RBM20: variants seen among roughly 807,000 people sequenced by gnomAD.
RBM20 encodes RNA-binding protein 20.
In RBM20, 51 loss-of-function variants were observed where a neutral mutation model predicts 110.1. The observed-to-expected ratio is 0.46, with a 90% CI of 0.37 to 0.59. RBM20 has a LOEUF of 0.59. Ranked by LOEUF, RBM20 falls within the 20% of genes least tolerant of loss-of-function variation. The probability of loss-of-function intolerance (pLI) is 0.00; values close to 1 mark genes in which losing one functional copy is unlikely to be tolerated. For synonymous variants in RBM20, 589 were observed against 618.2 expected, an observed-to-expected ratio of 0.95 and a Z score of 0.70; for missense variants, 1,512 against 1,574.9, an observed-to-expected ratio of 0.96 and a Z score of 0.68.
chr10:110,721,767 A>G (rs1217701915), intron 1 of RBM20, among the ~76,000 whole-genome samples: 1 of 152,150 alleles, frequency 6.6e-6, no homozygotes, highest in Non-Finnish European at 1.5e-5. Flanking sequence ...ACCAAGCTAT[A>G]AAATGAAGGC....
intron 1 of RBM20, among the ~76,000 whole-genome samples, chr10:110,778,005 A>T (rs1003328984): frequency 6.6e-6 from 1 of 152,232 alleles, no homozygotes; most frequent in Non-Finnish European, 1.5e-5. Context: ...AAAATCTATC[A>T]TCAGACTCTT....
chr10:110,793,178 A>G (rs776970614), intron 5 of RBM20, among the ~76,000 whole-genome samples: 1 of 152,150 alleles, frequency 6.6e-6, no homozygotes, highest in Non-Finnish European at 1.5e-5. Context: ...TCTGTCATGC[A>G]CCTAATCAGC....
At chr10:110,767,335 G>C (rs1344000597) in intron 1 of RBM20, among the ~76,000 whole-genome samples, 2 of 145,752 alleles carry the variant, frequency 1.4e-5, no homozygotes, top group African/African-American at 2.6e-5. Flanking sequence ...CTAGCCGGGT[G>C]GGGGGCTGAC....
At chr10:110,689,253 C>T (rs533612022) in intron 1 of RBM20, among the ~76,000 whole-genome samples, 9 of 152,334 alleles carry the variant, frequency 5.9e-5, no homozygotes, top group African/African-American at 2.2e-4. Flanking sequence ...CACGTGCTGA[C>T]TGGGGCCTCC....
intron 1 of RBM20, among the ~76,000 whole-genome samples, chr10:110,686,120 C>T (rs1187148180): frequency 2.0e-5 from 3 of 152,146 alleles, no homozygotes; most frequent in Non-Finnish European, 4.4e-5. Flanking sequence ...GAGCCCAGTC[C>T]ATTCCTGCTT....
At position 110,772,766 on chromosome 10, in the gene RBM20, T is replaced by C. The variant is rs373162221; in HGVS notation, c.192-8035T>C. ...AAAAGCACTCCCAGGAGTGGCCAGG[T>C]GCAGAAATAGCTGAATTTGTGAGCA... On this transcript the variant is annotated intron_variant, in intron 1 of 13. Transcript: ENST00000369519. Among the ~76,000 whole-genome samples, 612 of 152,346 alleles carry C rather than the reference T, an allele frequency of 4.0e-3. 5 individuals carry two copies. The highest frequency in any genetic ancestry group is 0.014 in the African/African-American group (582 of 41,566).
chr10:110,687,042 G>GAAAAAAAAAAA (rs566369908), intron 1 of RBM20, among the ~76,000 whole-genome samples: 1 of 115,006 alleles, frequency 8.7e-6, no homozygotes, highest in Admixed American at 8.6e-5. Flanking sequence ...GTCTCAAAAA[G>GAAAAAAAAAAA]AAAAAAAAAA....
rs1164484786 is a variant in RBM20 at position 110,812,229 on chromosome 10, G to A, written c.1881-49G>A. The stretch of plus-strand genomic sequence containing the variant: ...TGTGTGTCTGTGTGTGGGTGGGGTG[G>A]GATGGGAGGTGTGAAGATTCTAAAT... On this transcript the variant is annotated intron_variant, in intron 8 of 13. Coordinates refer to ENST00000369519, the MANE Select transcript of RBM20 (RefSeq NM_001134363.3). The A allele has an allele frequency of 2.1e-6, 3 of 1,456,102 alleles. No individual in the cohort carries two copies. The Admixed American group carries it at 6.3e-5, about 31-fold the overall frequency. 90.2% of individuals were successfully genotyped at this position (1,456,102 alleles called of 1,614,324 possible).
chr10:110,687,995 TTGTGTGTGTGTGTG>T (rs60479740), intron 1 of RBM20, among the ~76,000 whole-genome samples: 10,368 of 145,456 alleles, frequency 0.071, 432 homozygotes, highest in East Asian at 0.2. Context: ...CTAAATGGTT[TTGTGTGTGTGTGTG>T]TGTGTGTGTG....
At chr10:110,769,513 T>C (rs1488356869) in intron 1 of RBM20, among the ~76,000 whole-genome samples, 3 of 152,162 alleles carry the variant, frequency 2.0e-5, no homozygotes, top group Non-Finnish European at 4.4e-5. Flanking sequence ...CCTTGAGTGT[T>C]TTTATTACAG....
intron 1 of RBM20, among the ~76,000 whole-genome samples, chr10:110,690,832 T>A (rs1348128453): frequency 1.3e-5 from 2 of 150,490 alleles, no homozygotes; most frequent in Admixed American, 7.3e-5. Flanking sequence ...TTTTCACCTT[T>A]TGGCTATTGT....
intron 12 of RBM20, among the ~76,000 whole-genome samples, chr10:110,824,191 G>C (rs1844953802): frequency 6.6e-6 from 1 of 152,132 alleles, no homozygotes; most frequent in Non-Finnish European, 1.5e-5. Flanking sequence ...TGTTTTTCCT[G>C]TCAGGGAATG....
chr10:110,704,099 A>T (rs1399474184), intron 1 of RBM20, among the ~76,000 whole-genome samples: 2 of 152,198 alleles, frequency 1.3e-5, no homozygotes, highest in Non-Finnish European at 2.9e-5. Flanking sequence ...GCAACAAAGC[A>T]AGACTCTGTC....
chr10:110,710,252 C>A (rs1008012656), intron 1 of RBM20, among the ~76,000 whole-genome samples: 8 of 152,174 alleles, frequency 5.3e-5, no homozygotes, highest in Non-Finnish European at 7.3e-5. Flanking sequence ...GCGCAACAAG[C>A]TGGTGGTCAT....
chr10:110,687,898 T>C (rs1223196486), intron 1 of RBM20, among the ~76,000 whole-genome samples: 1 of 152,204 alleles, frequency 6.6e-6, no homozygotes, highest in Non-Finnish European at 1.5e-5. Flanking sequence ...GAATGTTTAC[T>C]CTTCTAACCA....
chr10:110,765,173 A>T (rs1442600728), intron 1 of RBM20, among the ~76,000 whole-genome samples: 2 of 152,208 alleles, frequency 1.3e-5, no homozygotes, highest in South Asian at 2.1e-4. Context: ...AGATTGAGTT[A>T]TCACCAGATC....
rs1301588677 is a variant in RBM20, at chr10:110,812,536, C to T, written c.2139C>T (p.His713=). Residue 713 remains histidine (H), a synonymous_variant, in exon 9 of 14, where the codon CAC becomes CAT. Coordinates refer to ENST00000369519, the MANE Select transcript of RBM20 (RefSeq NM_001134363.3). ...ACCCCTGGGCACATGATCGCAAACACCACCCCCGGCAACTGGACAAGGCTG... is the reference window on the plus strand; with the variant it reads ...ACCCCTGGGCACATGATCGCAAACATCACCCCCGGCAACTGGACAAGGCTG... The part of the protein sequence containing the change: ...RMDPWAHDRK[H]HPRQLDKAEL... 5 of 1,551,742 alleles carry T rather than the reference C, an allele frequency of 3.2e-6. No homozygotes were observed.
intron 1 of RBM20, among the ~76,000 whole-genome samples, chr10:110,724,167 C>T (rs558160015): frequency 1.2e-3 from 179 of 152,302 alleles, no homozygotes; most frequent in Non-Finnish European, 2.0e-3. Context: ...CAAATCCCGT[C>T]TGCCAGTGTG....
intron 1 of RBM20, among the ~76,000 whole-genome samples, chr10:110,765,170 G>A: frequency 6.6e-6 from 1 of 152,124 alleles, no homozygotes; most frequent in East Asian, 1.9e-4. Context: ...AACAGATTGA[G>A]TTATCACCAG....
Sources: gnomAD v4.1 joint callset for allele counts (sites outside exome capture counted in the v4.1 genomes callset) on GRCh38, gnomAD v4.1.1 for gene constraint, MANE v1.5 for transcripts, NCBI Gene and HGNC (gene_info 2026-07-23, HGNC 2026-07-21) for gene names.